PAPLN: variants seen among roughly 807,000 people sequenced by gnomAD.
The protein encoded by PAPLN is papilin, proteoglycan like sulfated glycoprotein, also known as papilin.
In PAPLN, 146 loss-of-function variants were observed where a neutral mutation model predicts 159.0. The observed-to-expected ratio is 0.92, with a 90% CI of 0.80 to 1.05. PAPLN has a LOEUF of 1.05. PAPLN is among the 50% of genes least tolerant of loss of function. The pLI is 0.00. For synonymous variants in PAPLN, 734 were observed against 702.9 expected (o/e 1.04, Z -0.70); for missense variants, 1,720 against 1,743.9 (o/e 0.99, Z 0.24).
At chr14:73,253,076 T>G in intron 11 of PAPLN, 1 of 1,330,836 alleles carries the variant, frequency 7.5e-7, no homozygotes, top group Non-Finnish European at 1.0e-6. Context: ...AGCAGAGGGT[T>G]TGGCTTGGCA....
intron 21 of PAPLN, 30 bp downstream of exon 21, chr14:73,264,365 G>A (rs372024490): frequency 1.2e-4 from 194 of 1,598,684 alleles, no homozygotes; most frequent in South Asian, 1.2e-3. Flanking sequence ...CCACCAGTGC[G>A]TTCTCAGGGG....
In PAPLN at chr14:73,252,774, C is replaced by A. The variant is rs372036332; in HGVS notation, c.1093C>A (p.Arg365Ser). ...TCTTCACCCTTGCCCGGAGACCAAG[C>A]GGTGAGACCTTGCCAGCCCCTCTAC... is the stretch of plus-strand genomic sequence containing the variant. ...CNLHPCPETK[R>S]WKAGPWAPCS... The change falls in exon 11 of 27, where the codon CGC becomes AGC. Residue 365 changes from arginine to serine, a missense_variant and splice_region_variant. Transcript: ENST00000644200. The A allele has an allele frequency of 1.9e-6, 3 of 1,613,120 alleles. No homozygotes were observed. The highest frequency in any genetic ancestry group is 2.7e-5 in the African/African-American group (2 of 74,936).
chr14:73,247,650 C>CTCCGTGTG (rs1884574789), intron 5 of PAPLN, among the ~76,000 whole-genome samples: 1 of 128,224 alleles, frequency 7.8e-6, no homozygotes, highest in Admixed American at 8.5e-5. Flanking sequence ...GTCTCTTATC[C>CTCCGTGTG]TGTGTGTGTG....
intron 1 of PAPLN, 138 bp downstream of exon 1, chr14:73,237,730 C>T (rs1883117266): frequency 6.6e-6 from 1 of 152,264 alleles, no homozygotes; most frequent in African/African-American, 2.4e-5. Flanking sequence ...GAGAAGACCC[C>T]GCCCCGGCTC....
intron 2 of PAPLN, among the ~76,000 whole-genome samples, chr14:73,242,404 C>T (rs1049819309): frequency 9.2e-5 from 14 of 152,216 alleles, no homozygotes; most frequent in African/African-American, 3.4e-4. Flanking sequence ...GGCTGCTGTG[C>T]CAAGGAGCCA....
rs764572534 is a variant in PAPLN at position 73,263,785 on chromosome 14, G to A, written c.2861+3G>A. On this transcript the variant is annotated splice_donor_region_variant and intron_variant, in intron 20 of 26. Transcript: ENST00000644200. The stretch of plus-strand genomic sequence containing the variant: ...GGCCAGCCCATCTCCTCTGACAGGT[G>A]GGTGAGAGTCCCCCCACCTCCTCTG... 3 of 1,599,844 alleles carry A rather than the reference G, an allele frequency of 1.9e-6. No individual in the cohort carries two copies. Among genetic ancestry groups the A allele is most frequent in the Non-Finnish European group, 2.5e-6 (3 of 1,178,956 alleles).
intron 14 of PAPLN, 77 bp downstream of exon 14, chr14:73,255,095 G>A: frequency 2.0e-6 from 3 of 1,515,734 alleles, no homozygotes; most frequent in Non-Finnish European, 2.7e-6. Flanking sequence ...AGCATGTCCT[G>A]CCTCGGGGCC....
At chr14:73,250,493 C>T (rs779086078) in intron 6 of PAPLN, among the ~76,000 whole-genome samples, 3 of 152,124 alleles carry the variant, frequency 2.0e-5, no homozygotes, top group Non-Finnish European at 4.4e-5. Context: ...TGGAGGTGGC[C>T]GCCAGCTGCT....
chr14:73,239,162 C>T (rs1395331494), intron 1 of PAPLN, among the ~76,000 whole-genome samples: 1 of 152,132 alleles, frequency 6.6e-6, no homozygotes, highest in African/African-American at 2.4e-5. Flanking sequence ...GTACTGCACA[C>T]TGCACTGCAC....
rs578110607 is a variant in PAPLN at position 73,262,032 on chromosome 14, GA to G, written c.2246-317del. On this transcript the variant is annotated intron_variant, in intron 18 of 26. Coordinates refer to ENST00000644200, the MANE Select transcript of PAPLN (RefSeq NM_001365906.3). ...CACCCTCTGGGCTCACTTTGCATGTGACTTCAGGTGGTCTGGTGGCAGGGAA... is the reference window on the plus strand; with the variant it reads ...CACCCTCTGGGCTCACTTTGCATGTGCTTCAGGTGGTCTGGTGGCAGGGAA... 66 of 332,710 alleles carry G rather than the reference GA, an allele frequency of 2.0e-4. No homozygotes were observed. In the South Asian group the frequency reaches 4.3e-3, roughly 22 times the overall value. 20.6% of individuals were successfully genotyped at this position (332,710 alleles called of 1,614,324 possible).
At chr14:73,252,165 G>A (rs1364226220) in intron 10 of PAPLN, 24 bp downstream of exon 10, 1 of 1,571,552 alleles carries the variant, frequency 6.4e-7, no homozygotes, top group Non-Finnish European at 8.6e-7. Context: ...TGGCCCAGGG[G>A]AGGGCATGGG....
intron 2 of PAPLN, 66 bp downstream of exon 2, chr14:73,239,898 G>A: frequency 1.3e-6 from 2 of 1,485,072 alleles, no homozygotes; most frequent in South Asian, 1.3e-5. Flanking sequence ...GGACGCGCGG[G>A]CCCGCAGGCA....
intron 19 of PAPLN, chr14:73,263,441 T>C (rs1293031474): frequency 2.4e-5 from 15 of 634,472 alleles, no homozygotes; most frequent in South Asian, 2.1e-4. Context: ...GCAGTGATGC[T>C]TGGGGGAGCC....
intron 2 of PAPLN, among the ~76,000 whole-genome samples, chr14:73,240,987 C>T (rs1322146089): frequency 3.3e-5 from 5 of 151,598 alleles, no homozygotes; most frequent in South Asian, 2.1e-4. Context: ...CGAAAGGACC[C>T]AAACTGTTTT....
rs762404602 is a variant in PAPLN at position 73,253,981 on chromosome 14, T to C, written c.1302+20T>C. The C allele has an allele frequency of 6.7e-5, 107 of 1,597,914 alleles. No individual in the cohort carries two copies. The highest frequency in any genetic ancestry group is 2.3e-5 in the Non-Finnish European group (27 of 1,173,488). On this transcript the variant is annotated intron_variant, in intron 12 of 26. Coordinates refer to ENST00000644200, the MANE Select transcript of PAPLN (RefSeq NM_001365906.3). ...GGAGAGGTCAGGCCCCTGGCCCGCA[T>C]GGGGCTGGTGCTGGACCTGGGTAGC...
At chr14:73,270,468 G>A (rs959607561) in intron 26 of PAPLN, among the ~76,000 whole-genome samples, 1 of 152,180 alleles carries the variant, frequency 6.6e-6, no homozygotes, top group South Asian at 2.1e-4. Context: ...TACAAAAGCC[G>A]CGACACTCAG....
intron 17 of PAPLN, 22 bp from the exon 18 acceptor site, chr14:73,261,134 C>T (rs1240078867): frequency 1.2e-6 from 2 of 1,614,084 alleles, no homozygotes; most frequent in Non-Finnish European, 8.5e-7. Context: ...GCCCACTTCC[C>T]AATCATGGGT....
intron 16 of PAPLN, among the ~76,000 whole-genome samples, chr14:73,260,152 C>T (rs762960413): frequency 3.3e-5 from 5 of 152,142 alleles, no homozygotes; most frequent in Non-Finnish European, 7.4e-5. Flanking sequence ...GACTTAACCT[C>T]TCTGATTTTG....
Position 73,251,827 on chromosome 14 carries a change from G to A in PAPLN, c.834G>A (p.Leu278=), listed in dbSNP as rs201663155. Residue 278 remains leucine (L), a synonymous_variant, in exon 9 of 27, where the codon CTG becomes CTA. Transcript: ENST00000644200. Reference sequence around the variant, plus strand: ...CCCGGGGCCCCACCTCGGAGCCCCTGGTCATCGAGGTAAATGGGGGTGTGG... The same window carrying A: ...CCCGGGGCCCCACCTCGGAGCCCCTAGTCATCGAGGTAAATGGGGGTGTGG... ...LHARGPTSEP[L]VIELISQEPN... is the part of the protein sequence containing the mutation. The A allele has an allele frequency of 6.3e-7, 1 of 1,594,660 alleles. No individual in the cohort carries two copies.
Sources: allele counts gnomAD v4.1 joint callset (sites outside exome capture counted in the v4.1 genomes callset), GRCh38; gene constraint gnomAD v4.1.1; transcripts MANE v1.5; gene names NCBI Gene and HGNC (gene_info 2026-07-23, HGNC 2026-07-21).